The following CNTNAP2 variants were observed in gnomAD, a reference collection of about 807,000 sequenced individuals.
CNTNAP2 encodes the protein contactin-associated protein-like 2.
In CNTNAP2, 98 loss-of-function variants were observed where a neutral mutation model predicts 155.2. That is an observed-to-expected ratio of 0.63 (90% CI 0.54 to 0.75). CNTNAP2 has a LOEUF of 0.75. CNTNAP2 is among the 30% of genes least tolerant of loss of function. The probability of loss-of-function intolerance (pLI) is 0.00; values close to 1 mark genes in which losing one functional copy is unlikely to be tolerated. For missense variants in CNTNAP2, 1,727 were observed against 1,688.1 expected (o/e 1.02, Z -0.40); for synonymous variants, 651 against 631.2 (o/e 1.03, Z -0.47).
intron 15 of CNTNAP2, among the ~76,000 whole-genome samples, chr7:148,064,572 T>A (rs1489238861): frequency 4.0e-5 from 6 of 151,740 alleles, no homozygotes; most frequent in African/African-American, 1.5e-4. Flanking sequence ...TCAGCAAAGT[T>A]TCAGGATACA....
intron 13 of CNTNAP2, among the ~76,000 whole-genome samples, chr7:147,825,692 G>A (rs533660827): frequency 1.3e-5 from 2 of 152,232 alleles, no homozygotes; most frequent in East Asian, 1.9e-4. Flanking sequence ...GATAAAAAGA[G>A]AAGATATATA....
chr7:146,861,772 G>A (rs1486419707), intron 3 of CNTNAP2, among the ~76,000 whole-genome samples: 1 of 152,066 alleles, frequency 6.6e-6, no homozygotes, highest in Non-Finnish European at 1.5e-5. Flanking sequence ...CTACATGAAT[G>A]GCTAAAGAAA....
At chr7:146,596,638 A>AGAGAGAGAGG (rs1798865830) in intron 1 of CNTNAP2, among the ~76,000 whole-genome samples, 2 of 136,130 alleles carry the variant, frequency 1.5e-5, no homozygotes, top group Non-Finnish European at 3.2e-5. Flanking sequence ...AGAGAGAGAG[A>AGAGAGAGAGG]GAAATTGTTG....
At chr7:146,553,728 T>C (rs1231388454) in intron 1 of CNTNAP2, among the ~76,000 whole-genome samples, 1 of 152,064 alleles carries the variant, frequency 6.6e-6, no homozygotes, top group Non-Finnish European at 1.5e-5. Context: ...CTATATCACA[T>C]AGTGAACATT....
At chr7:147,427,936 A>G (rs1797406261) in intron 10 of CNTNAP2, among the ~76,000 whole-genome samples, 1 of 152,158 alleles carries the variant, frequency 6.6e-6, no homozygotes, top group African/African-American at 2.4e-5. Context: ...TGCTAAAAGA[A>G]AGGGTATAAG....
At chr7:147,588,444 G>C (rs1394484926) in intron 12 of CNTNAP2, among the ~76,000 whole-genome samples, 1 of 152,104 alleles carries the variant, frequency 6.6e-6, no homozygotes, top group Admixed American at 6.6e-5. Context: ...AGATGTATTA[G>C]AATTTATCAA....
intron 3 of CNTNAP2, among the ~76,000 whole-genome samples, chr7:146,949,820 A>G (rs1017134075): frequency 2.6e-5 from 4 of 152,304 alleles, no homozygotes; most frequent in East Asian, 1.9e-4. Flanking sequence ...TTCAAGGTCC[A>G]TTATGTGGTG....
intron 8 of CNTNAP2, among the ~76,000 whole-genome samples, chr7:147,277,804 T>G (rs1804932512): frequency 6.6e-6 from 1 of 151,722 alleles, no homozygotes; most frequent in African/African-American, 2.4e-5. Flanking sequence ...ATAAACTTTA[T>G]TGATAGTGGC....
chr7:148,051,238 A>T (rs1460444840), intron 15 of CNTNAP2, among the ~76,000 whole-genome samples: 2 of 152,178 alleles, frequency 1.3e-5, no homozygotes, highest in Non-Finnish European at 2.9e-5. Flanking sequence ...CTTGGGCCAA[A>T]TATCATTTTT....
chr7:147,598,131 T>G (rs963503594), intron 12 of CNTNAP2, among the ~76,000 whole-genome samples: 3 of 151,066 alleles, frequency 2.0e-5, no homozygotes, highest in Non-Finnish European at 4.4e-5. Flanking sequence ...GGCCTCTGAG[T>G]TCGGCATTGC....
chr7:146,469,774 C>T (rs918726853), intron 1 of CNTNAP2, among the ~76,000 whole-genome samples: 7 of 151,788 alleles, frequency 4.6e-5, no homozygotes, highest in South Asian at 2.1e-4. Flanking sequence ...GAGATCCACA[C>T]GCCTAGGCCT....
intron 21 of CNTNAP2, among the ~76,000 whole-genome samples, chr7:148,281,253 G>C (rs1248110530): frequency 6.6e-6 from 1 of 152,256 alleles, no homozygotes; most frequent in Non-Finnish European, 1.5e-5. Flanking sequence ...AAAGGAGCTA[G>C]AGAAAATGGG....
chr7:146,647,070 T>A (rs1799824455), intron 1 of CNTNAP2, among the ~76,000 whole-genome samples: 1 of 152,158 alleles, frequency 6.6e-6, no homozygotes, highest in South Asian at 2.1e-4. Flanking sequence ...CCTTGTCTCA[T>A]CGGAGGCTTG....
chr7:147,777,331 T>C (rs534015380), intron 13 of CNTNAP2, among the ~76,000 whole-genome samples: 8 of 152,332 alleles, frequency 5.3e-5, no homozygotes, highest in African/African-American at 1.9e-4. Flanking sequence ...TGTCCTTATA[T>C]GGAAATTAAA....
Position 147,173,804 on chromosome 7 carries a change from G to A in CNTNAP2, c.1348+41295G>A, listed in dbSNP as rs973096313. On this transcript the variant is annotated intron_variant, in intron 8 of 23. Transcript: ENST00000361727. ...CAAGTGGGACATTGCATCCCGGGAA[G>A]CAAGGGGACTCTGCACACGTTGCTG... 1.8e-4 allele frequency among the ~76,000 whole-genome samples: 27 copies of A among 152,168 alleles called. 1 individual carries two copies. Among genetic ancestry groups the A allele is most frequent in the African/African-American group, 6.5e-4 (27 of 41,422 alleles).
At chr7:146,234,742 A>T (rs925462264) in intron 1 of CNTNAP2, among the ~76,000 whole-genome samples, 4 of 152,180 alleles carry the variant, frequency 2.6e-5, no homozygotes, top group Non-Finnish European at 5.9e-5. Flanking sequence ...TTATCTTTGA[A>T]CTGAAAATTC....
chr7:146,662,918 C>T lies in CNTNAP2; in HGVS notation c.98-111353C>T, dbSNP rs554283434. On this transcript the variant is annotated intron_variant, in intron 1 of 23. Transcript: ENST00000361727. ...ATCCAGACACTCTAGTCTATTATTT[C>T]CTTTGTCTATATTTATGTCCTTTTG... Among the ~76,000 whole-genome samples the T allele has an allele frequency of 9.9e-5, 15 of 152,188 alleles. No individual in the cohort carries two copies. In the South Asian group the frequency reaches 3.1e-3, roughly 32 times the overall value.
chr7:147,636,463 A>G (rs1213714979), intron 12 of CNTNAP2, among the ~76,000 whole-genome samples: 2 of 152,134 alleles, frequency 1.3e-5, no homozygotes, highest in African/African-American at 4.8e-5. Flanking sequence ...TCTTGGATAC[A>G]TGTGCAGAAC....
chr7:147,652,076 C>T (rs1164673478), intron 13 of CNTNAP2, among the ~76,000 whole-genome samples: 3 of 152,050 alleles, frequency 2.0e-5, no homozygotes, highest in African/African-American at 7.3e-5. Context: ...TAAAATAATC[C>T]ATAAATTTTA....
Sources: gnomAD v4.1 joint callset for allele counts (sites outside exome capture counted in the v4.1 genomes callset) on GRCh38, gnomAD v4.1.1 for gene constraint, MANE v1.5 for transcripts, NCBI Gene and HGNC (gene_info 2026-07-23, HGNC 2026-07-21) for gene names.